RPH3AL: variants seen among roughly 807,000 people sequenced by gnomAD.
RPH3AL encodes the protein rabphilin 3A like (without C2 domains).
RPH3AL carries 38 observed loss-of-function variants against 43.1 expected under a neutral mutation model. The observed-to-expected ratio is 0.88, with a 90% CI of 0.68 to 1.15. RPH3AL has a LOEUF of 1.15. Ranked by LOEUF, RPH3AL falls within the 50% of genes most tolerant of loss-of-function variation. The pLI is 0.00. For synonymous variants in RPH3AL, 189 were observed against 176.3 expected (o/e 1.07, Z -0.57); for missense variants, 462 against 423.2 (o/e 1.09, Z -0.81).
chr17:328,912 T>C lies in RPH3AL; in HGVS notation c.-36-1333A>G, dbSNP rs1181151505. On this transcript the variant is annotated intron_variant, in intron 2 of 9. Coordinates refer to ENST00000331302, the MANE Select transcript of RPH3AL (RefSeq NM_006987.4). The surrounding 1 kb of genome is among the most constrained non-coding windows in gnomAD (Gnocchi z 4.2). ...ACCACGTATTGTATGATTCCGTTTA[T>C]ACAGTGTGTCCAGAATAAGCAAATC... Among the ~76,000 whole-genome samples the C allele has an allele frequency of 6.6e-6, 1 of 152,214 alleles. No homozygotes were observed. Among genetic ancestry groups the C allele is most frequent in the Non-Finnish European group, 1.5e-5 (1 of 68,034 alleles).
rs782421381 is a variant in RPH3AL, at chr17:264,591, C to T, written c.438+17177G>A. ...GTGTGACCACTGCATGGTGGTTTTC[C>T]GCTGATCGGTGTGAGGAGGGCATGA... On this transcript the variant is annotated intron_variant, in intron 6 of 9. Transcript: ENST00000331302. This position sits in a 1 kb window ranked among gnomAD's most constrained non-coding sequence, Gnocchi z 4.8. Among the ~76,000 whole-genome samples, 4 of 152,206 alleles carry T rather than the reference C, an allele frequency of 2.6e-5. No homozygotes were observed. The highest frequency in any genetic ancestry group is 2.1e-4 in the South Asian group (1 of 4,828).
chr17:232,827 G>GGTGTGT (rs1296326264), intron 7 of RPH3AL, among the ~76,000 whole-genome samples: 2 of 130,300 alleles, frequency 1.5e-5, no homozygotes, highest in South Asian at 2.6e-4. Flanking sequence ...AGTCCTTTCC[G>GGTGTGT]GCGTGTGTGT....
chr17:298,898 G>A (rs560683217), intron 5 of RPH3AL, among the ~76,000 whole-genome samples: 49 of 152,104 alleles, frequency 3.2e-4, no homozygotes, highest in African/African-American at 8.7e-4. Flanking sequence ...GGTCGGGGCC[G>A]GGGGAGCCAG....
chr17:285,097 G>A (rs1031364788), intron 5 of RPH3AL, among the ~76,000 whole-genome samples: 3 of 152,162 alleles, frequency 2.0e-5, no homozygotes, highest in Non-Finnish European at 4.4e-5. Flanking sequence ...AGCAGCGCCC[G>A]ACCAGGACTG....
rs111499596 is a variant in RPH3AL at position 319,470 on chromosome 17, C to T, written c.301G>A (p.Val101Met). ...GLSQCLLCGE[V>M]LGFLGSSSVF... ...GACGAGCTGCCCAGGAAGCCCAGCA[C>T]CTCCCCGCAGAGCAGACACTGGGAC... The change falls in exon 5 of 10, where the codon GTG becomes ATG. Residue 101 changes from valine (V) to methionine (M), a missense_variant. Transcript: ENST00000331302. The T allele has an allele frequency of 7.4e-6, 12 of 1,612,594 alleles. No homozygotes were observed. The East Asian group carries it at 2.7e-4, about 36-fold the overall frequency.
At chr17:224,976 AG>A (rs1046348949) in intron 7 of RPH3AL, among the ~76,000 whole-genome samples, 10 of 49,154 alleles carry the variant, frequency 2.0e-4, no homozygotes, top group African/African-American at 5.8e-4. Context: ...GGGTTGGGGG[AG>A]GGGGGAGGGA....
chr17:299,697 C>T (rs1321486670), intron 5 of RPH3AL, among the ~76,000 whole-genome samples: 3 of 152,206 alleles, frequency 2.0e-5, no homozygotes, highest in African/African-American at 7.2e-5. Context: ...AGGGCACGGC[C>T]GACGAGGTGT....
At chr17:241,695 A>C (rs190424556) in intron 7 of RPH3AL, among the ~76,000 whole-genome samples, 1 of 149,962 alleles carries the variant, frequency 6.7e-6, no homozygotes, top group East Asian at 2.0e-4. Flanking sequence ...GGTAAGTAGA[A>C]GAGATGTTTC....
chr17:348,572 G>GA (rs1420557042), intron 1 of RPH3AL, among the ~76,000 whole-genome samples: 4 of 149,380 alleles, frequency 2.7e-5, no homozygotes, highest in East Asian at 2.0e-4. Context: ...CAAATGCAAT[G>GA]AAAAAAATTT....
chr17:317,998 G>C (rs1204893023), intron 5 of RPH3AL, among the ~76,000 whole-genome samples: 2 of 133,524 alleles, frequency 1.5e-5, no homozygotes, highest in Non-Finnish European at 3.1e-5. Context: ...TTGTTTATTT[G>C]ATCATTACTT....
At chr17:250,509 C>T (rs954766824) in intron 6 of RPH3AL, among the ~76,000 whole-genome samples, 5 of 146,986 alleles carry the variant, frequency 3.4e-5, no homozygotes, top group African/African-American at 1.0e-4. Flanking sequence ...CAAGCTCCGT[C>T]GCTGCAGGAC....
chr17:237,019 G>C (rs1227236933), intron 7 of RPH3AL, among the ~76,000 whole-genome samples: 1 of 152,196 alleles, frequency 6.6e-6, no homozygotes, highest in Admixed American at 6.5e-5. Flanking sequence ...CATCAGCTGG[G>C]TTAGCGGCCA....
intron 1 of RPH3AL, chr17:341,398 G>A (rs1198805719): frequency 6.6e-6 from 1 of 152,100 alleles, no homozygotes; most frequent in Non-Finnish European, 1.5e-5. Context: ...GAGACCATAC[G>A]ACGGAGAAAG....
intron 2 of RPH3AL, chr17:332,697 TTCCCCAC>T (rs2044815679): frequency 1.2e-5 from 3 of 240,882 alleles, no homozygotes; most frequent in African/African-American, 6.7e-5. Context: ...TCCCTCAAGA[TTCCCCAC>T]GGGGTAGTCG....
intron 5 of RPH3AL, among the ~76,000 whole-genome samples, chr17:301,710 A>C (rs1246654427): frequency 6.6e-6 from 1 of 152,164 alleles, no homozygotes; most frequent in Middle Eastern, 3.2e-3. Context: ...AAGTCCTGGA[A>C]TTACAGGTGT....
At chr17:321,251 C>T in intron 4 of RPH3AL, 21 bp downstream of exon 4, 2 of 1,598,790 alleles carry the variant, frequency 1.3e-6, no homozygotes, top group Non-Finnish European at 1.7e-6. Context: ...TCCCACTGAG[C>T]TGGCCCCGGC....
Position 323,542 on chromosome 17 carries a change from T to G in RPH3AL, c.78-2127A>C, listed in dbSNP as rs1050903231. Among the ~76,000 whole-genome samples the G allele has an allele frequency of 2.0e-5, 3 of 152,174 alleles. No homozygotes were observed. Among genetic ancestry groups the G allele is most frequent in the Non-Finnish European group, 4.4e-5 (3 of 68,022 alleles). Reference sequence around the variant, plus strand: ...GGGTCAGTGATGGGCCAGGACACACTTCGTGTGGTTCCCGGGCCAGGGGAA... The same window carrying G: ...GGGTCAGTGATGGGCCAGGACACACGTCGTGTGGTTCCCGGGCCAGGGGAA... On this transcript the variant is annotated intron_variant, in intron 3 of 9. Coordinates refer to ENST00000331302, the MANE Select transcript of RPH3AL (RefSeq NM_006987.4). The surrounding 1 kb of genome is among the most constrained non-coding windows in gnomAD (Gnocchi z 4.4).
At chr17:270,040 G>A (rs1440619000) in intron 6 of RPH3AL, among the ~76,000 whole-genome samples, 1 of 152,144 alleles carries the variant, frequency 6.6e-6, no homozygotes, top group Non-Finnish European at 1.5e-5. Flanking sequence ...CTGATAGCGG[G>A]TCTCTCTGGC....
intron 5 of RPH3AL, among the ~76,000 whole-genome samples, chr17:316,532 C>T (rs112947867): frequency 2.2e-5 from 3 of 133,900 alleles, no homozygotes; most frequent in Admixed American, 1.5e-4. Flanking sequence ...ACCTGTAGTC[C>T]CTGTGACTCC....
Sources: allele counts gnomAD v4.1 joint callset (sites outside exome capture counted in the v4.1 genomes callset), GRCh38; gene constraint gnomAD v4.1.1; non-coding constraint Gnocchi (gnomAD v3.1); transcripts MANE v1.5; gene names NCBI Gene and HGNC (gene_info 2026-07-23, HGNC 2026-07-21).